Variants in TCF7L1 observed in about 807,000 individuals in gnomAD.
The protein encoded by TCF7L1 is transcription factor 7-like 1.
Under a neutral mutation model 63.7 loss-of-function variants are expected in TCF7L1, and 18 were observed. The ratio of observed to expected loss-of-function variants is 0.28; its 90% CI spans 0.20 to 0.42. TCF7L1 has a LOEUF of 0.42. TCF7L1 is among the 10% of genes least tolerant of loss of function. The pLI, the probability that TCF7L1 is intolerant of heterozygous loss-of-function variation, is 1.00. For synonymous variants in TCF7L1, 355 were observed against 340.9 expected (o/e 1.04, Z -0.46); for missense variants, 654 against 779.3 (o/e 0.84, Z 1.91).
intron 3 of TCF7L1, among the ~76,000 whole-genome samples, chr2:85,223,676 G>A (rs1391047957): frequency 6.6e-6 from 1 of 152,200 alleles, no homozygotes; most frequent in Non-Finnish European, 1.5e-5. Flanking sequence ...TTGGGGGAAT[G>A]AGTGATTTAA....
At chr2:85,254,226 A>G (rs72934638) in intron 3 of TCF7L1, among the ~76,000 whole-genome samples, 5,447 of 152,388 alleles carry the variant, frequency 0.036, 306 homozygotes, top group African/African-American at 0.13. Flanking sequence ...GTGATGATGA[A>G]GTGATTCCTT....
intron 3 of TCF7L1, among the ~76,000 whole-genome samples, chr2:85,192,279 T>C (rs1679050541): frequency 6.6e-6 from 1 of 152,266 alleles, no homozygotes; most frequent in Non-Finnish European, 1.5e-5. Flanking sequence ...ATCAGTCAGC[T>C]ACCGCCCCTC....
At chr2:85,259,387 T>C (rs543679996) in intron 3 of TCF7L1, among the ~76,000 whole-genome samples, 2 of 152,366 alleles carry the variant, frequency 1.3e-5, no homozygotes, top group Admixed American at 1.3e-4. Flanking sequence ...GGAATTCGTA[T>C]CTGTAGGAAA....
chr2:85,304,615 CA>C (rs1682060495), intron 7 of TCF7L1, among the ~76,000 whole-genome samples: 1 of 152,172 alleles, frequency 6.6e-6, no homozygotes, highest in Admixed American at 6.5e-5. Context: ...ATTTTGAGGA[CA>C]GATGCTCCCC....
chr2:85,243,490 G>A (rs1026851580), intron 3 of TCF7L1, among the ~76,000 whole-genome samples: 8 of 148,198 alleles, frequency 5.4e-5, no homozygotes, highest in African/African-American at 1.9e-4. Context: ...CATGCCCAGC[G>A]ACTCCACGTG....
At chr2:85,218,645 G>C (rs1019170382) in intron 3 of TCF7L1, among the ~76,000 whole-genome samples, 3 of 150,746 alleles carry the variant, frequency 2.0e-5, no homozygotes, top group African/African-American at 7.3e-5. Context: ...CCAATGGGGG[G>C]GGGAAAACTG....
intron 3 of TCF7L1, among the ~76,000 whole-genome samples, chr2:85,243,775 C>A (rs1022004010): frequency 1.3e-5 from 2 of 152,120 alleles, no homozygotes; most frequent in Admixed American, 1.3e-4. Context: ...GTGCCAGGCA[C>A]CTTAGAAAGG....
intron 3 of TCF7L1, among the ~76,000 whole-genome samples, chr2:85,214,588 G>C (rs1048978799): frequency 2.0e-5 from 3 of 152,192 alleles, no homozygotes; most frequent in Non-Finnish European, 2.9e-5. Context: ...TTACCTTGGG[G>C]GCAGAGGAAT....
At chr2:85,297,902 C>T (rs1473293704) in intron 4 of TCF7L1, among the ~76,000 whole-genome samples, 1 of 151,934 alleles carries the variant, frequency 6.6e-6, no homozygotes, top group African/African-American at 2.4e-5. Context: ...TTCTTCTTAG[C>T]ATTTTAACAC....
chr2:85,256,388 G>A (rs1017953449), intron 3 of TCF7L1, among the ~76,000 whole-genome samples: 5 of 152,202 alleles, frequency 3.3e-5, no homozygotes, highest in Non-Finnish European at 7.3e-5. Flanking sequence ...TTCTCTGTTG[G>A]AGGATTTGGG....
intron 4 of TCF7L1, among the ~76,000 whole-genome samples, chr2:85,285,918 G>T (rs1326405577): frequency 6.6e-6 from 1 of 152,214 alleles, no homozygotes; most frequent in Admixed American, 6.5e-5. Flanking sequence ...GAGGCCGGGC[G>T]TGGTGGCTCA....
chr2:85,156,778 T>G (rs1403523079), intron 3 of TCF7L1, among the ~76,000 whole-genome samples: 1 of 152,254 alleles, frequency 6.6e-6, no homozygotes, highest in African/African-American at 2.4e-5. Context: ...TGTATGTGTA[T>G]ACGCGCATGC....
intron 3 of TCF7L1, chr2:85,262,163 A>C (rs1453634141): frequency 1.8e-6 from 1 of 546,802 alleles, no homozygotes; most frequent in African/African-American, 1.9e-5. Flanking sequence ...TCGTATACTC[A>C]TTAAAACCAA....
At chr2:85,286,517 C>CG (rs1681558282) in intron 4 of TCF7L1, among the ~76,000 whole-genome samples, 1 of 151,072 alleles carries the variant, frequency 6.6e-6, no homozygotes, top group Admixed American at 6.6e-5. Context: ...ACAAAAAAGA[C>CG]GGAGTTTTGC....
chr2:85,271,057 A>G (rs760839299), intron 3 of TCF7L1, among the ~76,000 whole-genome samples: 5 of 152,146 alleles, frequency 3.3e-5, no homozygotes, highest in Non-Finnish European at 5.9e-5. Flanking sequence ...ATAAACGCCC[A>G]AAGTCCTATA....
chr2:85,193,344 G>A (rs866184619), intron 3 of TCF7L1, among the ~76,000 whole-genome samples: 1 of 152,104 alleles, frequency 6.6e-6, no homozygotes, highest in Non-Finnish European at 1.5e-5. Context: ...ATTTAGTCTG[G>A]GTGGGATACT....
intron 3 of TCF7L1, among the ~76,000 whole-genome samples, chr2:85,192,391 A>AT (rs1366261373): frequency 1.5e-4 from 22 of 150,830 alleles, no homozygotes; most frequent in Middle Eastern, 3.5e-3. Flanking sequence ...CTCTAATTTT[A>AT]TTTTTTTTTT....
chr2:85,142,842 A>G (rs1257276060), intron 3 of TCF7L1, among the ~76,000 whole-genome samples: 1 of 152,174 alleles, frequency 6.6e-6, no homozygotes, highest in African/African-American at 2.4e-5. Context: ...ACACTTCTAT[A>G]GTTTCTTTCT....
At chr2:85,237,469 A>C (rs542964391) in intron 3 of TCF7L1, among the ~76,000 whole-genome samples, 1 of 151,998 alleles carries the variant, frequency 6.6e-6, no homozygotes, top group African/African-American at 2.4e-5. Context: ...TTCCTGGGCT[A>C]CAGGAAGGCT....
Sources: gnomAD v4.1 joint callset for allele counts (sites outside exome capture counted in the v4.1 genomes callset) on GRCh38, gnomAD v4.1.1 for gene constraint, MANE v1.5 for transcripts, NCBI Gene and HGNC (gene_info 2026-07-23, HGNC 2026-07-21) for gene names.